CSMD1: variants seen among roughly 807,000 people sequenced by gnomAD.
CSMD1 encodes CUB and Sushi multiple domains 1.
In CSMD1, 213 loss-of-function variants were observed where a neutral mutation model predicts 417.5. The ratio of observed to expected loss-of-function variants is 0.51; its 90% confidence interval spans 0.46 to 0.57. The LOEUF (loss-of-function observed/expected upper bound fraction) is 0.57. Ranked by LOEUF, CSMD1 falls within the 20% of genes least tolerant of loss-of-function variation. The pLI, the probability that CSMD1 is intolerant of heterozygous loss-of-function variation, is 0.00. For missense variants in CSMD1, 6,923 were observed against 4,529.7 expected (o/e 1.53, Z -15.17); for synonymous variants, 2,862 against 1,736.8 (o/e 1.65, Z -16.11).
chr8:4,094,672 C>T (rs1158233800), intron 3 of CSMD1, among the ~76,000 whole-genome samples: 4 of 152,110 alleles, frequency 2.6e-5, no homozygotes, highest in Non-Finnish European at 4.4e-5. Flanking sequence ...ACTTCAGATG[C>T]ATTTACAGAC....
chr8:3,821,135 C>A (rs1026028221), intron 5 of CSMD1, among the ~76,000 whole-genome samples: 1 of 152,076 alleles, frequency 6.6e-6, no homozygotes, highest in African/African-American at 2.4e-5. Context: ...CCAGGCTGGT[C>A]TCGAACTCCT....
chr8:3,671,516 CATATATATGATCATAT>C (rs1563256853), intron 7 of CSMD1, among the ~76,000 whole-genome samples: 183 of 8,016 alleles, frequency 0.023, 27 homozygotes, highest in Middle Eastern at 0.17. Context: ...TATATATGAT[CATATATATGATCATAT>C]ATATATATAT....
intron 26 of CSMD1, among the ~76,000 whole-genome samples, chr8:3,257,753 G>T (rs1800766185): frequency 6.6e-6 from 1 of 152,164 alleles, no homozygotes; most frequent in African/African-American, 2.4e-5. Context: ...TGGGGCTGGA[G>T]CTGAGAAGGG....
chr8:4,620,621 C>T (rs561218772), intron 2 of CSMD1, among the ~76,000 whole-genome samples: 2 of 151,520 alleles, frequency 1.3e-5, no homozygotes, highest in African/African-American at 2.4e-5. Flanking sequence ...CTTGAAAAGC[C>T]CAAATATATG....
intron 1 of CSMD1, among the ~76,000 whole-genome samples, chr8:4,722,608 A>G (rs1809130639): frequency 6.6e-6 from 1 of 152,112 alleles, no homozygotes; most frequent in Non-Finnish European, 1.5e-5. Context: ...GCCCTGAACT[A>G]CAGGGTGCAT....
At chr8:4,162,798 T>C (rs1797246612) in intron 3 of CSMD1, among the ~76,000 whole-genome samples, 1 of 152,182 alleles carries the variant, frequency 6.6e-6, no homozygotes, top group African/African-American at 2.4e-5. Context: ...CTTGGTATTG[T>C]ACATGCTATG....
chr8:3,734,371 G>C (rs928028921), intron 6 of CSMD1, among the ~76,000 whole-genome samples: 1 of 152,192 alleles, frequency 6.6e-6, no homozygotes, highest in South Asian at 2.1e-4. Context: ...GTAGAAAAAT[G>C]GATTTGCTTC....
intron 1 of CSMD1, among the ~76,000 whole-genome samples, chr8:4,706,798 G>A (rs1007081546): frequency 7.2e-5 from 11 of 152,230 alleles, no homozygotes; most frequent in African/African-American, 2.4e-4. Context: ...GAGAAAGACA[G>A]TGCTTGACTT....
At chr8:4,765,369 C>A (rs1424122865) in intron 1 of CSMD1, among the ~76,000 whole-genome samples, 1 of 152,166 alleles carries the variant, frequency 6.6e-6, no homozygotes, top group Non-Finnish European at 1.5e-5. Flanking sequence ...TGAAGAAGCA[C>A]ATCATCGGAT....
intron 25 of CSMD1, among the ~76,000 whole-genome samples, chr8:3,302,673 A>C (rs1054989524): frequency 6.6e-6 from 1 of 152,160 alleles, no homozygotes; most frequent in Non-Finnish European, 1.5e-5. Flanking sequence ...TCACCAGCAG[A>C]TGTTGAAAGA....
At chr8:3,264,955 G>C (rs1432081144) in intron 26 of CSMD1, among the ~76,000 whole-genome samples, 1 of 152,078 alleles carries the variant, frequency 6.6e-6, no homozygotes, top group Non-Finnish European at 1.5e-5. Context: ...TAATAACGAT[G>C]AATGCTGCTA....
intron 26 of CSMD1, among the ~76,000 whole-genome samples, chr8:3,256,536 C>T (rs573384595): frequency 1.4e-4 from 21 of 152,266 alleles, no homozygotes; most frequent in African/African-American, 4.1e-4. Context: ...ATTGCATGCA[C>T]TAAAAAAGCT....
At chr8:4,866,182 C>A (rs1018611888) in intron 1 of CSMD1, among the ~76,000 whole-genome samples, 2 of 151,904 alleles carry the variant, frequency 1.3e-5, no homozygotes, top group East Asian at 1.9e-4. Context: ...AGGTGGATGA[C>A]CACCATTTCA....
intron 3 of CSMD1, among the ~76,000 whole-genome samples, chr8:4,249,948 T>C (rs1044665243): frequency 2.6e-5 from 4 of 152,096 alleles, no homozygotes; most frequent in African/African-American, 9.7e-5. Flanking sequence ...GGCTTTGCAC[T>C]TATGAATGAA....
intron 41 of CSMD1, among the ~76,000 whole-genome samples, chr8:3,140,252 A>T (rs1818355455): frequency 6.6e-6 from 1 of 152,114 alleles, no homozygotes; most frequent in Non-Finnish European, 1.5e-5. Context: ...TGAAAAAGAG[A>T]GAGAGCAGAG....
At chr8:3,172,958 T>C (rs1820676324) in intron 37 of CSMD1, among the ~76,000 whole-genome samples, 1 of 152,192 alleles carries the variant, frequency 6.6e-6, no homozygotes, top group Admixed American at 6.5e-5. Flanking sequence ...GACCTACCAC[T>C]GAAATAACTG....
At chr8:4,909,892 GC>G (rs1805549148) in intron 1 of CSMD1, among the ~76,000 whole-genome samples, 1 of 152,300 alleles carries the variant, frequency 6.6e-6, no homozygotes, top group Non-Finnish European at 1.5e-5. Context: ...GGTTTGCCCA[GC>G]TTTTTCTTCT....
chr8:3,037,671 T>C (rs2128981711), intron 50 of CSMD1, among the ~76,000 whole-genome samples: 1 of 152,282 alleles, frequency 6.6e-6, no homozygotes, highest in Non-Finnish European at 1.5e-5. Flanking sequence ...GGACAAAAGT[T>C]GTTTTTGGAT....
At chr8:4,979,150 T>C (rs1810732383) in intron 1 of CSMD1, among the ~76,000 whole-genome samples, 1 of 152,210 alleles carries the variant, frequency 6.6e-6, no homozygotes, top group Non-Finnish European at 1.5e-5. Flanking sequence ...GTATTCAAGC[T>C]AAATTTCATG....
Sources: allele counts gnomAD v4.1 joint callset (sites outside exome capture counted in the v4.1 genomes callset), GRCh38; gene constraint gnomAD v4.1.1; transcripts MANE v1.5; gene names NCBI Gene and HGNC (gene_info 2026-07-23, HGNC 2026-07-21).